The following LRRTM4 variants were observed in gnomAD, a reference collection of about 807,000 sequenced individuals.
The protein encoded by LRRTM4 is leucine rich repeat transmembrane neuronal 4.
Under a neutral mutation model 47.6 loss-of-function variants are expected in LRRTM4, and 25 were observed. The ratio of observed to expected loss-of-function variants is 0.53; its 90% CI spans 0.38 to 0.73. LRRTM4 has a LOEUF of 0.73. LRRTM4 is among the 30% of genes least tolerant of loss of function. LRRTM4 has a pLI of 0.00. For missense variants in LRRTM4, 638 were observed against 713.4 expected, an observed-to-expected ratio of 0.89 and a Z score of 1.20; for synonymous variants, 311 against 269.5, an observed-to-expected ratio of 1.15 and a Z score of -1.51.
At chr2:77,025,229 A>G (rs1049318275) in intron 3 of LRRTM4, among the ~76,000 whole-genome samples, 5 of 152,188 alleles carry the variant, frequency 3.3e-5, no homozygotes, top group African/African-American at 4.8e-5. Flanking sequence ...TTTCAAATAC[A>G]GGCTGTTGAT....
chr2:76,971,628 C>T (rs534880707), intron 3 of LRRTM4, among the ~76,000 whole-genome samples: 11 of 151,930 alleles, frequency 7.2e-5, no homozygotes, highest in Admixed American at 7.2e-4. Context: ...AATATTGGAG[C>T]AAGCATGGGT....
chr2:77,303,076 G>C (rs1677174296), intron 3 of LRRTM4, among the ~76,000 whole-genome samples: 1 of 151,936 alleles, frequency 6.6e-6, no homozygotes. Flanking sequence ...GCTTTTCCTG[G>C]ATGAGCACTA....
At chr2:76,910,034 G>A (rs535030041) in intron 3 of LRRTM4, among the ~76,000 whole-genome samples, 1 of 152,186 alleles carries the variant, frequency 6.6e-6, no homozygotes, top group South Asian at 2.1e-4. Context: ...CTGCTATAAA[G>A]ACACATGAAC....
intron 3 of LRRTM4, among the ~76,000 whole-genome samples, chr2:76,985,494 G>T (rs1376369611): frequency 6.6e-6 from 1 of 151,956 alleles, no homozygotes; most frequent in African/African-American, 2.4e-5. Context: ...TGACAGTATG[G>T]CAAACAAGGG....
At chr2:77,070,624 G>T (rs558771765) in intron 3 of LRRTM4, among the ~76,000 whole-genome samples, 1 of 151,420 alleles carries the variant, frequency 6.6e-6, no homozygotes, top group African/African-American at 2.4e-5. Context: ...TGATTTTTTT[G>T]TTTGTTTGCT....
intron 3 of LRRTM4, among the ~76,000 whole-genome samples, chr2:77,421,397 C>T (rs139492587): frequency 8.6e-5 from 13 of 152,016 alleles, no homozygotes; most frequent in African/African-American, 2.2e-4. Context: ...TAGGGAAATG[C>T]GTTACTGCCA....
chr2:77,271,797 A>C (rs1225554761), intron 3 of LRRTM4, among the ~76,000 whole-genome samples: 3 of 152,138 alleles, frequency 2.0e-5, no homozygotes, highest in South Asian at 2.1e-4. Context: ...CAGAAGATTA[A>C]ATTTTTTCTC....
In LRRTM4 at chr2:77,470,540, G is replaced by C. The variant is rs150024223; in HGVS notation, c.1551+47778C>G. Among the ~76,000 whole-genome samples the C allele has an allele frequency of 7.9e-4, 121 of 152,234 alleles. 1 individual carries two copies. The East Asian group carries it at 0.022, about 28-fold the overall frequency. On this transcript the variant is annotated intron_variant, in intron 3 of 3. Coordinates refer to ENST00000409884, the MANE Select transcript of LRRTM4 (RefSeq NM_001134745.3). The stretch of plus-strand genomic sequence containing the variant: ...GCAGAAAGGTGAATCAGTTGAGTAA[G>C]CATTAAGTCCAAGGAATGTTACATC...
At chr2:76,843,838 C>T (rs1171286697) in intron 3 of LRRTM4, among the ~76,000 whole-genome samples, 1 of 151,828 alleles carries the variant, frequency 6.6e-6, no homozygotes, top group African/African-American at 2.4e-5. Context: ...GTAAAAACAA[C>T]ATCAATACTA....
chr2:77,004,324 G>T (rs889481850), intron 3 of LRRTM4, among the ~76,000 whole-genome samples: 2 of 152,162 alleles, frequency 1.3e-5, no homozygotes, highest in Non-Finnish European at 2.9e-5. Flanking sequence ...CTACGTACTT[G>T]GTCCCCTGCA....
chr2:76,861,323 A>C (rs1672305839), intron 3 of LRRTM4, among the ~76,000 whole-genome samples: 1 of 152,138 alleles, frequency 6.6e-6, no homozygotes, highest in East Asian at 1.9e-4. Flanking sequence ...CATTATTTTT[A>C]GTTTTTTTTA....
At chr2:77,184,551 A>C (rs1352219727) in intron 3 of LRRTM4, among the ~76,000 whole-genome samples, 1 of 152,140 alleles carries the variant, frequency 6.6e-6, no homozygotes, top group Non-Finnish European at 1.5e-5. Flanking sequence ...GTCACTGGCA[A>C]TGCCAACAAT....
At chr2:76,851,252 TTA>T (rs2103972179) in intron 3 of LRRTM4, among the ~76,000 whole-genome samples, 1 of 152,278 alleles carries the variant, frequency 6.6e-6, no homozygotes, top group Non-Finnish European at 1.5e-5. Context: ...TGCTCTGGTT[TTA>T]TGAGTTTGGG....
intron 3 of LRRTM4, among the ~76,000 whole-genome samples, chr2:77,261,606 T>G (rs2104041962): frequency 6.6e-6 from 1 of 152,120 alleles, no homozygotes; most frequent in African/African-American, 2.4e-5. Flanking sequence ...CTTTCCTGAC[T>G]AATACACCTG....
At chr2:77,344,015 T>C (rs1388608586) in intron 3 of LRRTM4, among the ~76,000 whole-genome samples, 1 of 151,664 alleles carries the variant, frequency 6.6e-6, no homozygotes, top group South Asian at 2.1e-4. Flanking sequence ...GAATAAAAGA[T>C]CTGGAAAAAA....
At chr2:77,413,736 A>G (rs1411777970) in intron 3 of LRRTM4, among the ~76,000 whole-genome samples, 2 of 152,184 alleles carry the variant, frequency 1.3e-5, no homozygotes, top group Admixed American at 1.3e-4. Flanking sequence ...CCAACCAGAA[A>G]AAAATGCACA....
rs1365550397 is a variant in LRRTM4, at chr2:76,968,350, A to ATGTGTGTG, written c.1552-219435_1552-219434insCACACACA. 4.1e-3 allele frequency among the ~76,000 whole-genome samples: 427 copies of ATGTGTGTG among 103,558 alleles called. 19 individuals carry two copies. The highest frequency in any genetic ancestry group is 0.034 in the Admixed American group (376 of 10,980). 67.9% of individuals were successfully genotyped at this position (103,558 alleles called of 152,430 possible). ...AAAGTGTGTATGTGTGTATATATAT[A>ATGTGTGTG]TATATATATATATATATATATATAT... is the stretch of plus-strand genomic sequence containing the variant. On this transcript the variant is annotated intron_variant, in intron 3 of 3. Coordinates refer to ENST00000409884, the MANE Select transcript of LRRTM4 (RefSeq NM_001134745.3).
chr2:77,306,988 C>T (rs1163642615), intron 3 of LRRTM4, among the ~76,000 whole-genome samples: 3 of 147,210 alleles, frequency 2.0e-5, no homozygotes, highest in African/African-American at 7.9e-5. Flanking sequence ...CAAGCTCCGC[C>T]TCCCGGGTTC....
At chr2:76,846,316 G>C (rs1477604925) in intron 3 of LRRTM4, among the ~76,000 whole-genome samples, 1 of 152,096 alleles carries the variant, frequency 6.6e-6, no homozygotes, top group African/African-American at 2.4e-5. Flanking sequence ...GGTGCCCCAG[G>C]TGTCCTCACT....
Sources: gnomAD v4.1 joint callset for allele counts (sites outside exome capture counted in the v4.1 genomes callset) on GRCh38, gnomAD v4.1.1 for gene constraint, MANE v1.5 for transcripts, NCBI Gene and HGNC (gene_info 2026-07-23, HGNC 2026-07-21) for gene names.